Variants in ITPR1 observed in about 807,000 individuals in gnomAD.
ITPR1 encodes inositol 1,4,5-trisphosphate receptor type 1, also known as inositol 1,4,5-trisphosphate-gated calcium channel ITPR1.
In ITPR1, 96 loss-of-function variants were observed where a neutral mutation model predicts 318.4. That is an observed-to-expected ratio of 0.30 (90% CI 0.26 to 0.36). The LOEUF (loss-of-function observed/expected upper bound fraction) is 0.36, where lower values mean the gene tolerates loss of function less well. Ranked by LOEUF, ITPR1 falls within the 10% of genes least tolerant of loss-of-function variation. The pLI is 1.00. For synonymous variants in ITPR1, 1,312 were observed against 1,289.9 expected, an observed-to-expected ratio of 1.02 and a Z score of -0.37; for missense variants, 2,440 against 3,460.2, an observed-to-expected ratio of 0.71 and a Z score of 7.40.
intron 4 of ITPR1, among the ~76,000 whole-genome samples, chr3:4,539,984 C>CAA (rs749264815): frequency 0.054 from 5,136 of 94,400 alleles, 359 homozygotes; most frequent in African/African-American, 0.16. Context: ...GACTAAGATG[C>CAA]AAAAAAAAAA....
intron 31 of ITPR1, among the ~76,000 whole-genome samples, chr3:4,689,278 G>C (rs2125242518): frequency 1.3e-5 from 2 of 151,792 alleles, no homozygotes; most frequent in East Asian, 3.9e-4. Context: ...TTTTAACTTT[G>C]TAAACAATAC....
chr3:4,766,453 T>G, intron 44 of ITPR1, 77 bp from the exon 45 acceptor site: 3 of 1,234,864 alleles, frequency 2.4e-6, no homozygotes, highest in Non-Finnish European at 3.5e-6. Flanking sequence ...CTGATCTTCA[T>G]TAGGTTTTGG....
intron 2 of ITPR1, among the ~76,000 whole-genome samples, chr3:4,506,019 A>T (rs2081370499): frequency 6.6e-6 from 1 of 152,212 alleles, no homozygotes; most frequent in South Asian, 2.1e-4. Context: ...GCCAATAGGA[A>T]TGCTTCCTCC....
At chr3:4,694,532 C>T (rs1314332864) in intron 33 of ITPR1, among the ~76,000 whole-genome samples, 3 of 151,966 alleles carry the variant, frequency 2.0e-5, no homozygotes, top group Non-Finnish European at 2.9e-5. Flanking sequence ...CGGTGATTTC[C>T]TCATTGTGCA....
At chr3:4,660,061 C>T (rs1041157086) in intron 13 of ITPR1, among the ~76,000 whole-genome samples, 3 of 152,192 alleles carry the variant, frequency 2.0e-5, no homozygotes, top group African/African-American at 7.2e-5. Context: ...ATGTGTTCTA[C>T]AAGGTGCTAG....
chr3:4,827,170 C>A (rs55767618), intron 60 of ITPR1, among the ~76,000 whole-genome samples: 12 of 152,050 alleles, frequency 7.9e-5, no homozygotes, highest in South Asian at 6.2e-4. Context: ...CCGCCCATAC[C>A]CTGACCCACC....
chr3:4,499,882 C>A (rs1211337479), intron 2 of ITPR1, among the ~76,000 whole-genome samples: 1 of 152,182 alleles, frequency 6.6e-6, no homozygotes, highest in Non-Finnish European at 1.5e-5. Flanking sequence ...AGCAGTCTTC[C>A]TGTGCCAGCC....
chr3:4,815,039 CCT>C lies in ITPR1; in HGVS notation c.7702-9_7702-8del. ...CAAGGGACCCAGACTGATCCAGACA[CCT>C]CTCTTTTCCAGGAACCCCTGTTTGC... On this transcript the variant is annotated splice_polypyrimidine_tract_variant and intron_variant, in intron 58 of 61. Transcript: ENST00000649015. 1 of 1,602,122 alleles carries C rather than the reference CCT, an allele frequency of 6.2e-7. No homozygotes were observed. The highest frequency in any genetic ancestry group is 8.5e-7 in the Non-Finnish European group (1 of 1,172,904).
At chr3:4,714,062 T>C (rs1458432872) in intron 39 of ITPR1, among the ~76,000 whole-genome samples, 1 of 152,250 alleles carries the variant, frequency 6.6e-6, no homozygotes, top group Non-Finnish European at 1.5e-5. Flanking sequence ...AAAGTATTTC[T>C]GTCTCCTGAC....
intron 4 of ITPR1, among the ~76,000 whole-genome samples, chr3:4,579,564 A>G (rs749232297): frequency 2.0e-5 from 3 of 152,226 alleles, no homozygotes; most frequent in Non-Finnish European, 4.4e-5. Context: ...GAGAAAGGAA[A>G]TATTGGTTAA....
Position 4,667,566 on chromosome 3 carries a change from G to A in ITPR1, c.1886+17G>A. On this transcript the variant is annotated intron_variant, in intron 18 of 61. Coordinates refer to ENST00000649015, the MANE Select transcript of ITPR1 (RefSeq NM_001378452.1). ...GGAGCCCAGGTGAGGCGGGAGTGGG[G>A]TCCATGCAGGATGGTGTCTCTGCCT... is the stretch of plus-strand genomic sequence containing the variant. 6.2e-7 allele frequency: 1 copy of A among 1,608,152 alleles called. No homozygotes were observed. Among genetic ancestry groups the A allele is most frequent in the Non-Finnish European group, 8.5e-7 (1 of 1,176,802 alleles).
intron 4 of ITPR1, among the ~76,000 whole-genome samples, chr3:4,574,201 C>CT (rs765722233): frequency 0.015 from 2,014 of 138,234 alleles, 24 homozygotes; most frequent in Non-Finnish European, 0.02. Context: ...GCCTTATCTT[C>CT]TTTTTTTTTT....
At chr3:4,497,898 C>CAT (rs1160143564) in intron 2 of ITPR1, among the ~76,000 whole-genome samples, 4 of 152,146 alleles carry the variant, frequency 2.6e-5, no homozygotes, top group Admixed American at 1.3e-4. Context: ...ACACATGCTA[C>CAT]AATGTGGATG....
chr3:4,626,224 C>A (rs1370477328), intron 4 of ITPR1, among the ~76,000 whole-genome samples: 1 of 151,558 alleles, frequency 6.6e-6, no homozygotes, highest in Non-Finnish European at 1.5e-5. Flanking sequence ...TTAAAAGTTA[C>A]AAACGTGTAT....
intron 44 of ITPR1, chr3:4,735,621 C>A (rs1194822386): frequency 4.4e-6 from 2 of 456,284 alleles, no homozygotes; most frequent in Non-Finnish European, 7.9e-6. Context: ...TAAGATCTGG[C>A]ACATAGTGGG....
intron 5 of ITPR1, among the ~76,000 whole-genome samples, chr3:4,634,128 G>A (rs527850753): frequency 2.0e-5 from 3 of 152,108 alleles, no homozygotes; most frequent in East Asian, 1.9e-4. Context: ...AAAACAGCCC[G>A]CAACCCATTA....
At chr3:4,715,483 C>T (rs2041700664) in intron 39 of ITPR1, among the ~76,000 whole-genome samples, 1 of 152,228 alleles carries the variant, frequency 6.6e-6, no homozygotes. Flanking sequence ...AGTTCCCACA[C>T]AGAGGAATCA....
At chr3:4,688,715 G>A in intron 31 of ITPR1, 95 bp downstream of exon 31, 1 of 1,244,688 alleles carries the variant, frequency 8.0e-7, no homozygotes, top group South Asian at 1.4e-5. Flanking sequence ...TGGCTTCTGG[G>A]GCTTGTTATA....
intron 35 of ITPR1, among the ~76,000 whole-genome samples, chr3:4,700,816 C>T (rs977580431): frequency 2.0e-5 from 3 of 152,100 alleles, no homozygotes; most frequent in Admixed American, 6.5e-5. Context: ...CTGGGGAGGC[C>T]TCACAGTCAT....
Sources: gnomAD v4.1 joint callset for allele counts (sites outside exome capture counted in the v4.1 genomes callset) on GRCh38, gnomAD v4.1.1 for gene constraint, MANE v1.5 for transcripts, NCBI Gene and HGNC (gene_info 2026-07-23, HGNC 2026-07-21) for gene names.